The following EML4 variants were observed in gnomAD, a reference collection of about 807,000 sequenced individuals.
EML4 encodes echinoderm microtubule-associated protein-like 4.
A neutral mutation model predicts 129.0 loss-of-function variants in EML4; 72 were observed. That is an observed-to-expected ratio of 0.56 (90% CI 0.46 to 0.68). The LOEUF is 0.68. Among genes scored for constraint, EML4 ranks in the 30% least tolerant of loss-of-function variants. EML4 has a pLI of 0.00. For missense variants in EML4, 1,363 were observed against 1,190.6 expected, an observed-to-expected ratio of 1.14 and a Z score of -2.13; for synonymous variants, 532 against 405.0, an observed-to-expected ratio of 1.31 and a Z score of -3.77.
intron 1 of EML4, among the ~76,000 whole-genome samples, chr2:42,174,548 C>T (rs1015411137): frequency 6.6e-5 from 10 of 152,152 alleles, no homozygotes; most frequent in African/African-American, 1.4e-4. Context: ...GCACCTTGGC[C>T]TCCCAAAGTT....
At chr2:42,232,052 A>T (rs1674380853) in intron 1 of EML4, among the ~76,000 whole-genome samples, 2 of 152,104 alleles carry the variant, frequency 1.3e-5, no homozygotes, top group Admixed American at 1.3e-4. Context: ...ATACAGTAGT[A>T]CTCAAATATC....
At chr2:42,228,578 TAGTG>T (rs1674126450) in intron 1 of EML4, among the ~76,000 whole-genome samples, 1 of 152,226 alleles carries the variant, frequency 6.6e-6, no homozygotes, top group Admixed American at 6.5e-5. Context: ...TAGGCCTACA[TAGTG>T]AGCTCTTAAA....
intron 19 of EML4, among the ~76,000 whole-genome samples, chr2:42,318,963 C>CCTCG (rs1311674749): frequency 6.6e-6 from 1 of 152,074 alleles, no homozygotes; most frequent in Non-Finnish European, 1.5e-5. Flanking sequence ...ACCTCAGCCT[C>CCTCG]CCGAAGTGAT....
At chr2:42,210,633 A>G (rs1465986700) in intron 1 of EML4, among the ~76,000 whole-genome samples, 2 of 152,146 alleles carry the variant, frequency 1.3e-5, no homozygotes, top group Admixed American at 6.6e-5. Context: ...CTGTTCCCTT[A>G]GATAATTTTT....
At chr2:42,183,376 G>T (rs558531305) in intron 1 of EML4, among the ~76,000 whole-genome samples, 1 of 152,140 alleles carries the variant, frequency 6.6e-6, no homozygotes, top group African/African-American at 2.4e-5. Context: ...AACAATTGAT[G>T]TGTACATTGT....
chr2:42,232,348 C>A (rs553159305), intron 1 of EML4, among the ~76,000 whole-genome samples: 1 of 152,284 alleles, frequency 6.6e-6, no homozygotes, highest in South Asian at 2.1e-4. Flanking sequence ...TTTTTGGCAG[C>A]CCTTCTAACC....
chr2:42,228,813 G>T (rs1394525827), intron 1 of EML4, among the ~76,000 whole-genome samples: 1 of 152,036 alleles, frequency 6.6e-6, no homozygotes, highest in Non-Finnish European at 1.5e-5. Flanking sequence ...GCTTGCTAGG[G>T]TTAGGAAACA....
At chr2:42,191,426 G>A (rs781635168) in intron 1 of EML4, among the ~76,000 whole-genome samples, 17 of 152,044 alleles carry the variant, frequency 1.1e-4, no homozygotes, top group Admixed American at 1.1e-3. Flanking sequence ...TCTAAGGCAG[G>A]ACTTTGGTCC....
At position 42,282,894 on chromosome 2, in the gene EML4, T is replaced by C. The variant is rs138490423; in HGVS notation, c.863T>C (p.Ile288Thr). Residue 288 changes from isoleucine to threonine, a missense_variant, in exon 8 of 23, where the codon ATT (isoleucine) becomes ACT (threonine). Ile to Thr is a moderately conservative substitution (Grantham distance 89, BLOSUM62 -1). Transcript: ENST00000318522. Reference protein sequence around the residue: ...LLPTGKIVYFIASVVVLFNYE... With the variant: ...LLPTGKIVYFTASVVVLFNYE... The stretch of plus-strand genomic sequence containing the variant: ...CCGACCGGGAAAATAGTTTATTTCA[T>C]TGCATCAGTAGTAGTACTATTTAAT... The C allele has an allele frequency of 2.2e-5, 35 of 1,611,988 alleles. No individual in the cohort carries two copies. Among genetic ancestry groups the C allele is most frequent in the Non-Finnish European group, 2.5e-5 (30 of 1,178,152 alleles).
intron 8 of EML4, among the ~76,000 whole-genome samples, chr2:42,283,598 C>T (rs1466257537): frequency 6.6e-6 from 1 of 151,988 alleles, no homozygotes; most frequent in Admixed American, 6.6e-5. Context: ...CATTTAAAAG[C>T]TTTTATGTCT....
intron 1 of EML4, among the ~76,000 whole-genome samples, chr2:42,177,934 AAT>A (rs1036141846): frequency 4.6e-5 from 7 of 152,282 alleles, no homozygotes; most frequent in African/African-American, 1.7e-4. Context: ...TTCAGTGTAA[AAT>A]TTCTGTTGGT....
intron 19 of EML4, 148 bp from the exon 20 acceptor site, chr2:42,325,319 C>A (rs2103826456): frequency 1.6e-6 from 1 of 628,012 alleles, no homozygotes; most frequent in Non-Finnish European, 3.1e-6. Flanking sequence ...TTGCTGTGAG[C>A]CTGCTCAGTT....
At chr2:42,273,141 G>C (rs1387176103) in intron 6 of EML4, among the ~76,000 whole-genome samples, 3 of 152,072 alleles carry the variant, frequency 2.0e-5, no homozygotes, top group Non-Finnish European at 4.4e-5. Flanking sequence ...CATATAAAAT[G>C]AAAAGCTTTT....
chr2:42,252,280 A>G (rs918432606), intron 2 of EML4, among the ~76,000 whole-genome samples: 4 of 152,186 alleles, frequency 2.6e-5, no homozygotes, highest in African/African-American at 7.2e-5. Flanking sequence ...AGTGTAAACT[A>G]TAGTGAATAG....
At chr2:42,304,091 C>T (rs1482590406) in intron 16 of EML4, among the ~76,000 whole-genome samples, 1 of 152,118 alleles carries the variant, frequency 6.6e-6, no homozygotes, top group Non-Finnish European at 1.5e-5. Flanking sequence ...GTGCTGCTCA[C>T]TAACAGGCTC....
intron 6 of EML4, among the ~76,000 whole-genome samples, chr2:42,265,598 AG>A (rs1666014501): frequency 6.6e-6 from 1 of 152,240 alleles, no homozygotes; most frequent in South Asian, 2.1e-4. Flanking sequence ...CAAGGTGAAC[AG>A]TAAAAATACA....
intron 1 of EML4, among the ~76,000 whole-genome samples, chr2:42,208,385 T>C (rs1672685293): frequency 1.3e-5 from 2 of 151,394 alleles, no homozygotes. Flanking sequence ...TGTTAAATGT[T>C]TTCTTTACAA....
chr2:42,286,515 T>C (rs187274528), intron 10 of EML4, 136 bp downstream of exon 10: 2 of 634,890 alleles, frequency 3.2e-6, no homozygotes, highest in Admixed American at 2.6e-5. Context: ...TGCTAACATA[T>C]TAGCTATTGC....
intron 6 of EML4, among the ~76,000 whole-genome samples, chr2:42,268,524 A>G (rs141207954): frequency 6.6e-6 from 1 of 152,080 alleles, no homozygotes; most frequent in Non-Finnish European, 1.5e-5. Context: ...TGCAGCCTTG[A>G]ACTCCGAGCT....
Sources: allele counts gnomAD v4.1 joint callset (sites outside exome capture counted in the v4.1 genomes callset), GRCh38; gene constraint gnomAD v4.1.1; transcripts MANE v1.5; gene names NCBI Gene and HGNC (gene_info 2026-07-23, HGNC 2026-07-21).